Variants in RNF115 observed in about 807,000 individuals in gnomAD.
RNF115 encodes the protein ring finger protein 115.
RNF115 carries 31 observed loss-of-function variants against 39.2 expected under a neutral mutation model. The ratio of observed to expected loss-of-function variants is 0.79; its 90% CI spans 0.59 to 1.07. The LOEUF is 1.07. Among genes scored for constraint, RNF115 ranks in the 50% least tolerant of loss-of-function variants. The probability of loss-of-function intolerance (pLI) is 0.00; values close to 1 mark genes in which losing one functional copy is unlikely to be tolerated. For synonymous variants in RNF115, 124 were observed against 131.0 expected (o/e 0.95, Z 0.37); for missense variants, 384 against 381.7 (o/e 1.01, Z -0.05).
In RNF115 at chr1:145,748,116, G is replaced by T. The variant is rs373377421; in HGVS notation, c.668-6C>A. On this transcript the variant is annotated splice_region_variant and splice_polypyrimidine_tract_variant and intron_variant, in intron 7 of 8. Transcript: ENST00000582693. ...TGGACACTCTAAACCCATATCTGTTGAAGAAGGAAATGCCTTTTAAAGTAA... is the reference window on the plus strand; with the variant it reads ...TGGACACTCTAAACCCATATCTGTTTAAGAAGGAAATGCCTTTTAAAGTAA... The T allele has an allele frequency of 3.1e-6, 5 of 1,597,346 alleles. No individual in the cohort carries two copies. The highest frequency in any genetic ancestry group is 1.1e-5 in the South Asian group (1 of 90,662).
intron 3 of RNF115, chr1:145,772,159 C>T: frequency 4.8e-6 from 2 of 420,520 alleles, no homozygotes; most frequent in Non-Finnish European, 8.5e-6. Flanking sequence ...TAAACACCCA[C>T]CAAGTGTTTA....
At chr1:145,800,067 T>C (rs1357440757) in intron 1 of RNF115, among the ~76,000 whole-genome samples, 1 of 152,222 alleles carries the variant, frequency 6.6e-6, no homozygotes, top group East Asian at 1.9e-4. Flanking sequence ...TTTACTTTGA[T>C]GTGTTTGAAA....
chr1:145,774,632 T>C (rs1010544138), intron 3 of RNF115, among the ~76,000 whole-genome samples: 1 of 152,182 alleles, frequency 6.6e-6, no homozygotes, highest in African/African-American at 2.4e-5. Flanking sequence ...ATTACAGGCG[T>C]GAGCCATGGC....
chr1:145,823,609 G>C (rs1650412486), intron 1 of RNF115, among the ~76,000 whole-genome samples, 163 bp downstream of exon 1: 1 of 152,226 alleles, frequency 6.6e-6, no homozygotes, highest in South Asian at 2.1e-4. Context: ...CCGAGGCCGT[G>C]ATGCCCAGGG....
intron 4 of RNF115, among the ~76,000 whole-genome samples, chr1:145,767,700 C>G (rs1281976910): frequency 6.6e-6 from 1 of 152,182 alleles, no homozygotes; most frequent in Non-Finnish European, 1.5e-5. Flanking sequence ...ACTGAGTGAA[C>G]GCAACTCCGT....
chr1:145,790,803 C>T (rs1182408165), intron 1 of RNF115, among the ~76,000 whole-genome samples: 3 of 152,092 alleles, frequency 2.0e-5, no homozygotes, highest in African/African-American at 7.2e-5. Context: ...CCACTATATA[C>T]ATATCAACGC....
At chr1:145,765,412 T>G (rs1658731064) in intron 4 of RNF115, among the ~76,000 whole-genome samples, 1 of 132,878 alleles carries the variant, frequency 7.5e-6, no homozygotes, top group Admixed American at 7.8e-5. Flanking sequence ...CCAAGAATGA[T>G]CAATAAAAAA....
At position 145,824,071 on chromosome 1, in the gene RNF115, C is replaced by T; in HGVS notation, c.-198G>A. On this transcript the variant is annotated 5_prime_UTR_variant, in exon 1 of 9. It adds an upstream start codon to the 5' untranslated region. Coordinates refer to ENST00000582693, the MANE Select transcript of RNF115 (RefSeq NM_014455.4). Reference sequence around the variant, plus strand: ...CTACCCTGCGGCCCGCCTCCCAGCACCAAAGAGGCGCAGGAAGGAGAGACA... The same window carrying T: ...CTACCCTGCGGCCCGCCTCCCAGCATCAAAGAGGCGCAGGAAGGAGAGACA... 2.1e-6 allele frequency: 1 copy of T among 482,858 alleles called. No individual in the cohort carries two copies. Among genetic ancestry groups the T allele is most frequent in the Middle Eastern group, 5.4e-4 (1 of 1,842 alleles). 29.9% of individuals were successfully genotyped at this position (482,858 alleles called of 1,614,324 possible). A position where few individuals can be genotyped will look rare whatever the true frequency, so the allele number is the denominator to read the frequency against.
At chr1:145,776,150 C>T (rs1553716538) in intron 3 of RNF115, among the ~76,000 whole-genome samples, 1 of 150,742 alleles carries the variant, frequency 6.6e-6, no homozygotes, top group African/African-American at 2.5e-5. Context: ...ACATTTACCC[C>T]TACTCTGACC....
chr1:145,779,994 A>G (rs1648052166), intron 3 of RNF115, among the ~76,000 whole-genome samples: 1 of 151,542 alleles, frequency 6.6e-6, no homozygotes, highest in Admixed American at 6.6e-5. Context: ...CTGGGAGGCC[A>G]AGACGAGAGG....
Position 145,820,685 on chromosome 1 carries a change from G to A in RNF115, c.102+3087C>T, listed in dbSNP as rs182137335. On this transcript the variant is annotated intron_variant, in intron 1 of 8. Coordinates refer to ENST00000582693, the MANE Select transcript of RNF115 (RefSeq NM_014455.4). The stretch of plus-strand genomic sequence containing the variant: ...CAGGAGGTGGAGGTTGTAGTGAACC[G>A]AGATCGCACCACTGCACTCCAGCCT... Among the ~76,000 whole-genome samples the A allele has an allele frequency of 3.6e-3, 548 of 152,234 alleles. 3 individuals are homozygous for A. The highest frequency in any genetic ancestry group is 0.012 in the African/African-American group (496 of 41,552).
At chr1:145,819,287 A>C (rs1319397243) in intron 1 of RNF115, among the ~76,000 whole-genome samples, 5 of 145,012 alleles carry the variant, frequency 3.4e-5, no homozygotes, top group Non-Finnish European at 6.0e-5. Flanking sequence ...AAAAAAAAAA[A>C]AAAAAAAAAA....
At chr1:145,788,322 T>C (rs1164955491) in intron 2 of RNF115, among the ~76,000 whole-genome samples, 1 of 152,176 alleles carries the variant, frequency 6.6e-6, no homozygotes, top group African/African-American at 2.4e-5. Flanking sequence ...CCTCAGGTGA[T>C]CCACCCACCT....
At chr1:145,797,723 GTTTTCCA>G in intron 1 of RNF115, among the ~76,000 whole-genome samples, 1 of 152,138 alleles carries the variant, frequency 6.6e-6, no homozygotes, top group Non-Finnish European at 1.5e-5. Flanking sequence ...CTGCCATGCT[GTTTTCCA>G]TCACAGTTGC....
intron 4 of RNF115, among the ~76,000 whole-genome samples, chr1:145,765,912 T>C (rs1417747217): frequency 2.6e-5 from 4 of 152,098 alleles, no homozygotes; most frequent in African/African-American, 7.2e-5. Context: ...GGGAAACTTA[T>C]TAAGTTGGTG....
At chr1:145,752,541 G>A (rs1402854256) in intron 5 of RNF115, among the ~76,000 whole-genome samples, 2 of 147,912 alleles carry the variant, frequency 1.4e-5, no homozygotes, top group African/African-American at 2.5e-5. Flanking sequence ...GATAATGGCA[G>A]TGTAGCAGCC....
intron 3 of RNF115, among the ~76,000 whole-genome samples, chr1:145,777,156 T>C (rs1358307455): frequency 6.6e-6 from 1 of 152,238 alleles, no homozygotes; most frequent in African/African-American, 2.4e-5. Flanking sequence ...ATGATTCCCT[T>C]ACTATATACA....
intron 3 of RNF115, among the ~76,000 whole-genome samples, chr1:145,783,725 T>C (rs1648249407): frequency 6.6e-6 from 1 of 152,106 alleles, no homozygotes; most frequent in African/African-American, 2.4e-5. Context: ...GTGTTTTTTA[T>C]AGGCTGACTG....
At chr1:145,802,271 GAAC>G (rs1338820083) in intron 1 of RNF115, among the ~76,000 whole-genome samples, 2 of 152,048 alleles carry the variant, frequency 1.3e-5, no homozygotes, top group Non-Finnish European at 2.9e-5. Flanking sequence ...TCTGAATCGA[GAAC>G]AACTCCCTAA....
Sources: gnomAD v4.1 joint callset for allele counts (sites outside exome capture counted in the v4.1 genomes callset) on GRCh38, gnomAD v4.1.1 for gene constraint, MANE v1.5 for transcripts, NCBI Gene and HGNC (gene_info 2026-07-23, HGNC 2026-07-21) for gene names.